NQO2: variants seen among roughly 807,000 people sequenced by gnomAD.
The protein encoded by NQO2 is ribosyldihydronicotinamide dehydrogenase [quinone].
NQO2 carries 18 observed loss-of-function variants against 22.0 expected under a neutral mutation model. The ratio of observed to expected loss-of-function variants is 0.82; its 90% CI spans 0.56 to 1.21. The LOEUF (loss-of-function observed/expected upper bound fraction) is 1.21. Among genes scored for constraint, NQO2 ranks in the 50% most tolerant of loss-of-function variants. The pLI is 0.00. For missense variants in NQO2, 267 were observed against 286.9 expected, an observed-to-expected ratio of 0.93 and a Z score of 0.50; for synonymous variants, 106 against 110.8, an observed-to-expected ratio of 0.96 and a Z score of 0.28.
At chr6:3,012,946 C>CATTTT (rs1757191277) in intron 4 of NQO2, among the ~76,000 whole-genome samples, 1 of 60,704 alleles carries the variant, frequency 1.6e-5, no homozygotes, top group African/African-American at 7.4e-5. Flanking sequence ...TGTAACACTA[C>CATTTT]TTTTTTTTTT....
chr6:3,001,350 C>T (rs1350254962), intron 1 of NQO2, among the ~76,000 whole-genome samples: 1 of 152,158 alleles, frequency 6.6e-6, no homozygotes, highest in Non-Finnish European at 1.5e-5. Flanking sequence ...CTCGGCCTCC[C>T]AGAGTGCTGG....
At position 3,008,199 on chromosome 6, in the gene NQO2, C is replaced by T. The variant is rs144205623; in HGVS notation, c.7+1640C>T. The stretch of plus-strand genomic sequence containing the variant: ...CTGGGAGGCCAAGGTGGGCAGATCA[C>T]CTGAGGTCGGGAGTTCGAGACCAGC... On this transcript the variant is annotated intron_variant, in intron 2 of 6. Transcript: ENST00000380455. Among the ~76,000 whole-genome samples, 134 of 152,196 alleles carry T rather than the reference C, an allele frequency of 8.8e-4. 1 individual carries two copies. The highest frequency in any genetic ancestry group is 3.1e-3 in the African/African-American group (130 of 41,516).
At chr6:3,003,205 G>A (rs1031229145) in intron 1 of NQO2, among the ~76,000 whole-genome samples, 2 of 151,830 alleles carry the variant, frequency 1.3e-5, no homozygotes, top group African/African-American at 4.8e-5. Flanking sequence ...TTCCAGACCC[G>A]CCATTTTGGC....
At chr6:3,004,863 T>TTTTG (rs1218164387) in intron 1 of NQO2, among the ~76,000 whole-genome samples, 9 of 152,164 alleles carry the variant, frequency 5.9e-5, no homozygotes. Flanking sequence ...TAACCACTTT[T>TTTTG]TTTGTTTGTT....
intron 1 of NQO2, chr6:3,004,743 A>G (rs1456524390): frequency 3.4e-6 from 2 of 584,214 alleles, no homozygotes; most frequent in African/African-American, 2.0e-5. Context: ...TGGACACAAC[A>G]TGCGCGATGC....
rs771845813 is a variant in NQO2 at position 3,015,595 on chromosome 6, G to A, written c.369G>A (p.Gln123=). Reference sequence around the variant, plus strand: ...GCTGGATGGATAGGGTGCTGTGCCAGGGCTTTGCCTTTGACATCCCAGGAT... The same window carrying A: ...GCTGGATGGATAGGGTGCTGTGCCAAGGCTTTGCCTTTGACATCCCAGGAT... The part of the protein sequence containing the change: ...LKGWMDRVLC[Q]GFAFDIPGFY... Residue 123 remains glutamine (Q), a synonymous_variant, in exon 5 of 7, where the codon CAG becomes CAA. Transcript: ENST00000380455. 2 of 1,614,172 alleles carry A rather than the reference G, an allele frequency of 1.2e-6. No homozygotes were observed. Among genetic ancestry groups the A allele is most frequent in the South Asian group, 2.2e-5 (2 of 91,084 alleles).
intron 2 of NQO2, among the ~76,000 whole-genome samples, chr6:3,008,943 G>A (rs1757048034): frequency 6.6e-6 from 1 of 151,904 alleles, no homozygotes; most frequent in Non-Finnish European, 1.5e-5. Context: ...GGCAGGGCGA[G>A]ATCACAGGAC....
rs28383636 is a variant in NQO2 at position 3,016,777 on chromosome 6, A to G, written c.418-107A>G. The G allele has an allele frequency of 7.3e-3, 11,022 of 1,518,834 alleles. 433 individuals are homozygous for G. The African/African-American group carries it at 0.11, about 15-fold the overall frequency. 94.1% of individuals were successfully genotyped at this position (1,518,834 alleles called of 1,614,324 possible). A position where few individuals can be genotyped will look rare whatever the true frequency, so the allele number is the denominator to read the frequency against. ...ATTTGTCCATCCCTGGAGGGTGTCC[A>G]CACGCATGTTCCCTGCTGGCTGTGC... On this transcript the variant is annotated intron_variant, in intron 5 of 6. Transcript: ENST00000380455.
At chr6:3,002,693 A>G (rs992009478) in intron 1 of NQO2, among the ~76,000 whole-genome samples, 62 of 151,718 alleles carry the variant, frequency 4.1e-4, no homozygotes, top group African/African-American at 1.3e-3. Context: ...CTACCCTAGG[A>G]GGGGTCAGGT....
intron 2 of NQO2, among the ~76,000 whole-genome samples, chr6:3,008,896 G>A (rs1284247153): frequency 6.6e-6 from 1 of 152,160 alleles, no homozygotes; most frequent in Non-Finnish European, 1.5e-5. Context: ...GAGATCACAT[G>A]CTTCACAAGG....
intron 1 of NQO2, chr6:3,000,359 G>A (rs1250945708): frequency 6.6e-6 from 1 of 152,350 alleles, no homozygotes; most frequent in African/African-American, 2.4e-5. Flanking sequence ...AGGAATCAGC[G>A]GGCCCAAGGT....
At chr6:3,017,124 G>A (rs1757358097) in intron 6 of NQO2, 139 bp downstream of exon 6, 2 of 983,320 alleles carry the variant, frequency 2.0e-6, no homozygotes, top group Admixed American at 2.1e-5. Flanking sequence ...TGGGATGGAA[G>A]CGTGATGCCC....
At chr6:3,009,511 G>C (rs1275066014) in intron 2 of NQO2, among the ~76,000 whole-genome samples, 1 of 152,216 alleles carries the variant, frequency 6.6e-6, no homozygotes, top group African/African-American at 2.4e-5. Flanking sequence ...AGAGATTAAA[G>C]TAAAGACAAG....
rs867792307 is a variant in NQO2, at chr6:3,015,079, A to T, written c.304-451A>T. ...ATCTTAGCGCTGGTCTAAGGAATAC[A>T]AACATGACTTTAGTTGGTGTCTAAA... On this transcript the variant is annotated intron_variant, in intron 4 of 6. Transcript: ENST00000380455. The T allele has an allele frequency of 3.9e-6, 5 of 1,290,826 alleles. No homozygotes were observed. In the African/African-American group the frequency reaches 7.6e-5, roughly 20 times the overall value. 80.0% of individuals were successfully genotyped at this position (1,290,826 alleles called of 1,614,324 possible).
At chr6:3,004,578 C>T (rs975517930) in intron 1 of NQO2, 66 of 985,452 alleles carry the variant, frequency 6.7e-5, no homozygotes, top group Middle Eastern at 1.0e-3. Context: ...TGTGCCTGTG[C>T]TCCTGGACAG....
intron 2 of NQO2, among the ~76,000 whole-genome samples, chr6:3,008,144 G>A (rs1561712357): frequency 6.6e-6 from 1 of 152,236 alleles, no homozygotes; most frequent in Non-Finnish European, 1.5e-5. Context: ...GGGGCCAGGT[G>A]CTGTGGCTCA....
rs532676584 is a variant in NQO2 at position 3,017,006 on chromosome 6, T to G, written c.519+21T>G. 5.0e-4 allele frequency: 799 copies of G among 1,611,086 alleles called. 7 individuals are homozygous for G. In the South Asian group the frequency reaches 8.3e-3, roughly 17 times the overall value. Reference sequence around the variant, plus strand: ...TCCAGGTAGACCAGCTGCGAGTGGCTCCCTTGCTTGTTGGCACACGCACAC... The same window carrying G: ...TCCAGGTAGACCAGCTGCGAGTGGCGCCCTTGCTTGTTGGCACACGCACAC... On this transcript the variant is annotated intron_variant, in intron 6 of 6. Transcript: ENST00000380455.
intron 1 of NQO2, chr6:3,002,248 T>C (rs904789463): frequency 2.0e-6 from 2 of 984,874 alleles, no homozygotes; most frequent in Non-Finnish European, 2.4e-6. Context: ...GGATAAGGTG[T>C]TCCCCCAGTC....
chr6:3,013,053 T>C (rs1358982529), intron 4 of NQO2, among the ~76,000 whole-genome samples: 1 of 142,670 alleles, frequency 7.0e-6, no homozygotes, highest in Non-Finnish European at 1.5e-5. Context: ...CCTCCCGGGT[T>C]CACGCCATTC....
Sources: gnomAD v4.1 joint callset for allele counts (sites outside exome capture counted in the v4.1 genomes callset) on GRCh38, gnomAD v4.1.1 for gene constraint, MANE v1.5 for transcripts, NCBI Gene and HGNC (gene_info 2026-07-23, HGNC 2026-07-21) for gene names.